The following OPCML variants were observed in gnomAD, a reference collection of about 807,000 sequenced individuals.
OPCML encodes the protein opioid-binding protein/cell adhesion molecule.
In OPCML, 13 loss-of-function variants were observed where a neutral mutation model predicts 37.8. That is an observed-to-expected ratio of 0.34 (90% CI 0.22 to 0.55). The LOEUF (loss-of-function observed/expected upper bound fraction) is 0.55. OPCML is among the 20% of genes least tolerant of loss of function. OPCML has a pLI of 0.91. For synonymous variants in OPCML, 176 were observed against 168.8 expected, an observed-to-expected ratio of 1.04 and a Z score of -0.33; for missense variants, 341 against 435.6, an observed-to-expected ratio of 0.78 and a Z score of 1.93.
At chr11:132,606,050 T>C (rs1169130203) in intron 3 of OPCML, among the ~76,000 whole-genome samples, 7 of 152,166 alleles carry the variant, frequency 4.6e-5, no homozygotes, top group Admixed American at 4.6e-4. Flanking sequence ...TCCTTTTTCT[T>C]CCTTCCAAGT....
At chr11:133,043,094 G>A (rs1282308928) in intron 1 of OPCML, among the ~76,000 whole-genome samples, 3 of 152,096 alleles carry the variant, frequency 2.0e-5, no homozygotes, top group Non-Finnish European at 4.4e-5. Flanking sequence ...CCCCTGGGCA[G>A]CCAGGTCGGC....
intron 1 of OPCML, among the ~76,000 whole-genome samples, chr11:133,523,283 AAGAGAT>A (rs1441072197): frequency 3.9e-5 from 6 of 152,122 alleles, no homozygotes; most frequent in Non-Finnish European, 8.8e-5. Flanking sequence ...CCTAAACTGA[AAGAGAT>A]AGCATACAAG....
chr11:132,545,410 TA>T (rs1307216678), intron 3 of OPCML, among the ~76,000 whole-genome samples: 2 of 152,202 alleles, frequency 1.3e-5, no homozygotes, highest in Non-Finnish European at 2.9e-5. Context: ...TCTTTCCCAG[TA>T]AATAGGAAAC....
At chr11:133,010,472 T>A (rs1947193938) in intron 1 of OPCML, among the ~76,000 whole-genome samples, 1 of 152,230 alleles carries the variant, frequency 6.6e-6, no homozygotes, top group South Asian at 2.1e-4. Context: ...AAAATATTCT[T>A]GTAACACAAC....
chr11:133,499,020 T>C (rs368949496), intron 1 of OPCML, among the ~76,000 whole-genome samples: 181 of 152,314 alleles, frequency 1.2e-3, no homozygotes, highest in African/African-American at 4.0e-3. Flanking sequence ...ATCCCAAGCC[T>C]GGAAGCTACA....
chr11:132,632,852 A>G (rs1940239260), intron 3 of OPCML, among the ~76,000 whole-genome samples: 1 of 151,726 alleles, frequency 6.6e-6, no homozygotes, highest in Non-Finnish European at 1.5e-5. Flanking sequence ...ATGGGCAGGG[A>G]GGAGTTTCAT....
intron 1 of OPCML, among the ~76,000 whole-genome samples, chr11:133,343,261 G>C (rs1054367709): frequency 6.6e-6 from 1 of 152,148 alleles, no homozygotes; most frequent in Non-Finnish European, 1.5e-5. Context: ...TAATCACTCC[G>C]TGACTCGGGG....
intron 7 of OPCML, among the ~76,000 whole-genome samples, chr11:132,429,002 A>G (rs550826424): frequency 6.6e-6 from 1 of 151,678 alleles, no homozygotes; most frequent in Non-Finnish European, 1.5e-5. Context: ...TAGGCACTAA[A>G]CAAATATTTG....
intron 3 of OPCML, among the ~76,000 whole-genome samples, chr11:132,605,966 C>T (rs1938264597): frequency 6.6e-6 from 1 of 152,196 alleles, no homozygotes. Context: ...TGAGCAGCAG[C>T]ATACTTCTCC....
At chr11:132,925,387 T>C (rs748247003) in intron 2 of OPCML, among the ~76,000 whole-genome samples, 1 of 152,194 alleles carries the variant, frequency 6.6e-6, no homozygotes, top group Non-Finnish European at 1.5e-5. Context: ...CAAAAAACAA[T>C]GTAATTAGGC....
intron 1 of OPCML, among the ~76,000 whole-genome samples, chr11:133,060,536 G>A (rs1252886012): frequency 6.6e-6 from 1 of 152,218 alleles, no homozygotes; most frequent in Non-Finnish European, 1.5e-5. Context: ...TAAGGTCAGA[G>A]AGAGACAGTA....
intron 1 of OPCML, among the ~76,000 whole-genome samples, chr11:133,479,774 G>A (rs559638173): frequency 2.7e-4 from 41 of 152,234 alleles, no homozygotes; most frequent in African/African-American, 6.3e-4. Context: ...CACACCCACC[G>A]AACAAATGAC....
chr11:132,442,981 C>CA (rs953461315), intron 4 of OPCML, among the ~76,000 whole-genome samples: 33 of 152,076 alleles, frequency 2.2e-4, no homozygotes, highest in Admixed American at 5.9e-4. Flanking sequence ...CAAAACAAAA[C>CA]AAAAAAAACT....
intron 3 of OPCML, among the ~76,000 whole-genome samples, chr11:132,634,915 C>A (rs1370967546): frequency 6.6e-6 from 1 of 151,850 alleles, no homozygotes; most frequent in East Asian, 1.9e-4. Flanking sequence ...CTAACTCAGC[C>A]TTGCATGCGA....
At chr11:133,239,693 G>A (rs920365928) in intron 1 of OPCML, among the ~76,000 whole-genome samples, 3 of 152,162 alleles carry the variant, frequency 2.0e-5, no homozygotes, top group African/African-American at 2.4e-5. Flanking sequence ...AAACTCCTTC[G>A]CGCTAATTAC....
At chr11:133,084,515 GT>G (rs1350373928) in intron 1 of OPCML, among the ~76,000 whole-genome samples, 1 of 152,196 alleles carries the variant, frequency 6.6e-6, no homozygotes, top group African/African-American at 2.4e-5. Flanking sequence ...GGGTGTCTAA[GT>G]TTGAAAACAA....
At chr11:133,478,441 T>C in intron 1 of OPCML, among the ~76,000 whole-genome samples, 1 of 152,118 alleles carries the variant, frequency 6.6e-6, no homozygotes, top group Admixed American at 6.5e-5. Flanking sequence ...CCATCTGTGC[T>C]CCTGTTGTGT....
intron 1 of OPCML, among the ~76,000 whole-genome samples, chr11:133,458,635 A>ATATACACATAGATGCACGTGTGTGTGTG (rs1565645689): frequency 9.9e-6 from 1 of 101,512 alleles, no homozygotes; most frequent in Admixed American, 8.9e-5. Context: ...GTGTGTGTGT[A>ATATACACATAGATGCACGTGTGTGTGTG]TATACACATA....
intron 1 of OPCML, among the ~76,000 whole-genome samples, chr11:133,231,892 G>C (rs530454251): frequency 1.9e-4 from 29 of 152,112 alleles, no homozygotes; most frequent in Admixed American, 4.6e-4. Flanking sequence ...GGCAGGGAGT[G>C]GGGAAGTCAG....
Sources: gnomAD v4.1 joint callset for allele counts (sites outside exome capture counted in the v4.1 genomes callset) on GRCh38, gnomAD v4.1.1 for gene constraint, MANE v1.5 for transcripts, NCBI Gene and HGNC (gene_info 2026-07-23, HGNC 2026-07-21) for gene names.